GIGYF1: variants seen among roughly 807,000 people sequenced by gnomAD.
GIGYF1 encodes the protein GRB10 interacting GYF protein 1, also known as GRB10-interacting GYF protein 1.
A neutral mutation model predicts 147.1 loss-of-function variants in GIGYF1; 84 were observed. That is an observed-to-expected ratio of 0.57 (90% CI 0.48 to 0.68). The LOEUF (loss-of-function observed/expected upper bound fraction) is 0.68. Among genes scored for constraint, GIGYF1 ranks in the 30% least tolerant of loss-of-function variants. GIGYF1 has a pLI of 0.00. For synonymous variants in GIGYF1, 752 were observed against 589.5 expected (o/e 1.28, Z -3.99); for missense variants, 1,485 against 1,393.7 (o/e 1.07, Z -1.04).
intron 1 of GIGYF1, among the ~76,000 whole-genome samples, chr7:100,689,757 AGTG>A (rs1805678001): frequency 6.6e-6 from 1 of 152,296 alleles, no homozygotes; most frequent in Middle Eastern, 3.4e-3. Context: ...TGGATGCTCC[AGTG>A]GTGGTGTGTT....
At chr7:100,689,843 G>A (rs1238978025) in intron 1 of GIGYF1, among the ~76,000 whole-genome samples, 1 of 152,230 alleles carries the variant, frequency 6.6e-6, no homozygotes, top group East Asian at 1.9e-4. Context: ...GACTGGATGA[G>A]CCTTGAGGAC....
intron 10 of GIGYF1, 108 bp from the exon 11 acceptor site, chr7:100,686,541 C>T: frequency 6.6e-7 from 1 of 1,520,488 alleles, no homozygotes; most frequent in Admixed American, 2.0e-5. Context: ...CCGGCCACTC[C>T]CACACCAGCC....
Position 100,680,265 on chromosome 7 carries a change from A to G in GIGYF1, c.*1454T>C, listed in dbSNP as rs1435220660. 6.6e-6 allele frequency: 1 copy of G among 152,058 alleles called. No homozygotes were observed. Among genetic ancestry groups the G allele is most frequent in the African/African-American group, 2.4e-5 (1 of 41,282 alleles). The allele number at this position is 152,058 out of a possible 1,614,324, so 9.4% of individuals were successfully genotyped here. On this transcript the variant is annotated 3_prime_UTR_variant, in exon 27 of 27. Transcript: ENST00000678049. Reference sequence around the variant, plus strand: ...GAAACGGGCCACTCCCCATGTCCCCAGGGCAGGAGGGAGAAATACATTCAT... The same window carrying G: ...GAAACGGGCCACTCCCCATGTCCCCGGGGCAGGAGGGAGAAATACATTCAT...
In GIGYF1 at chr7:100,688,225, GTC is replaced by G; in HGVS notation, c.12_13del (p.Glu4AspfsTer7). The G allele has an allele frequency of 6.3e-7, 1 of 1,599,546 alleles. No individual in the cohort carries two copies. Among genetic ancestry groups the G allele is most frequent in the Non-Finnish European group, 8.5e-7 (1 of 1,171,540 alleles). ...TCACCACTCAGGCCCAAAGTTGAGT[GTC>G]TCTGCTGCCATCGTGGGGCTGGGCG... On this transcript the variant is annotated frameshift_variant, in exon 4 of 27. Transcript: ENST00000678049. LOFTEE classifies it high-confidence loss of function.
intron 1 of GIGYF1, among the ~76,000 whole-genome samples, chr7:100,692,175 G>A (rs1291647683): frequency 6.6e-6 from 1 of 152,236 alleles, no homozygotes; most frequent in Non-Finnish European, 1.5e-5. Context: ...GTGGTAGGGT[G>A]AGGACGCTGA....
rs752731026 is a variant in GIGYF1 at position 100,683,386 on chromosome 7, C to A, written c.2111G>T (p.Arg704Leu). 1 of 1,613,622 alleles carries A rather than the reference C, an allele frequency of 6.2e-7. No individual in the cohort carries two copies. Among genetic ancestry groups the A allele is most frequent in the South Asian group, 1.1e-5 (1 of 91,088 alleles). ...RAKREEEERKRREEKRRQQQQ... is the reference protein window; with the variant it reads ...RAKREEEERKLREEKRRQQQQ... ...CTGCTGGCGGCGCTTCTCCTCTCGACGCTTGCGTTCCTCTTCCTCCCGCTT... is the reference window on the plus strand; with the variant it reads ...CTGCTGGCGGCGCTTCTCCTCTCGAAGCTTGCGTTCCTCTTCCTCCCGCTT... The change falls in exon 21 of 27, where the codon CGT becomes CTT. Residue 704 changes from arginine to leucine, a missense_variant. Arg to Leu is a moderately radical substitution (Grantham distance 102). Transcript: ENST00000678049.
rs918733758 is a variant in GIGYF1, at chr7:100,683,736, G to T, written c.1969+82C>A. The T allele has an allele frequency of 3.9e-6, 6 of 1,546,828 alleles. No homozygotes were observed. The African/African-American group carries it at 8.2e-5, about 21-fold the overall frequency. On this transcript the variant is annotated intron_variant, in intron 19 of 26. Transcript: ENST00000678049. ...TCCCCAGCCAGAATGGCAGCTAGGG[G>T]CGTGTGGGGGTGGGGAGCAGACCCC...
chr7:100,682,691 GCCC>G lies in GIGYF1; in HGVS notation c.2496_2498del (p.Gly834del). 1 of 1,598,744 alleles carries G rather than the reference GCCC, an allele frequency of 6.3e-7. No homozygotes were observed. The highest frequency in any genetic ancestry group is 8.5e-7 in the Non-Finnish European group (1 of 1,173,306). On this transcript the variant is annotated inframe_deletion, in exon 23 of 27. Coordinates refer to ENST00000678049, the MANE Select transcript of GIGYF1 (RefSeq NM_001375765.1). The stretch of plus-strand genomic sequence containing the variant: ...CCCAGAGCCCCAGGCCGCTGCTGCC[GCCC>G]CCACTCTTGTCTGGCCCGCCCCACA...
At position 100,687,553 on chromosome 7, in the gene GIGYF1, G is replaced by A. The variant is rs754479403; in HGVS notation, c.325C>T (p.Pro109Ser). The A allele has an allele frequency of 3.7e-6, 6 of 1,612,622 alleles. No individual in the cohort carries two copies. The highest frequency in any genetic ancestry group is 3.3e-5 in the Admixed American group (2 of 59,966). ...CCTCGGGAGGTGCCAGCCAGGGGGG[G>A]GCCAGCCCCTTTCCCCATCAGCCTC... ...VLRLMGKGAG[P>S]PLAGTSRGRG... The change falls in exon 7 of 27, where the codon CCC (proline) becomes TCC (serine). Residue 109 changes from proline to serine, a missense_variant. Pro to Ser is a moderately conservative substitution (Grantham distance 74). Transcript: ENST00000678049.
intron 1 of GIGYF1, among the ~76,000 whole-genome samples, chr7:100,690,359 C>T (rs977201820): frequency 6.6e-6 from 1 of 152,172 alleles, no homozygotes; most frequent in Admixed American, 6.5e-5. Context: ...AAAGGGACCA[C>T]CTGGCCAGCA....
chr7:100,681,517 A>T lies in GIGYF1; in HGVS notation c.*202T>A. The T allele has an allele frequency of 2.4e-6, 1 of 422,116 alleles. No homozygotes were observed. The highest frequency in any genetic ancestry group is 4.2e-6 in the Non-Finnish European group (1 of 240,908). The allele number at this position is 422,116 out of a possible 1,614,324, so 26.1% of individuals were successfully genotyped here. A position where few individuals can be genotyped will look rare whatever the true frequency, so the allele number is the denominator to read the frequency against. On this transcript the variant is annotated 3_prime_UTR_variant, in exon 27 of 27. Transcript: ENST00000678049. ...GTCGTTTAAAATTAAAAAAAAAAAT[A>T]AAAAGAAAAACCCCCTCCCCCAGTC...
Position 100,687,321 on chromosome 7 carries a change from C to G in GIGYF1, c.459G>C (p.Gln153His), listed in dbSNP as rs375287310. The change falls in exon 8 of 27, where the codon CAG becomes CAC. Residue 153 changes from glutamine to histidine, a missense_variant. Transcript: ENST00000678049. The stretch of plus-strand genomic sequence containing the variant: ...ACCTGTCATCCCAGCTCTGGCTGCG[C>G]TGGATTTCCCGGGGGCTTCGTCCAA... ...GAFGRSPREI[Q>H]RSQSWDDRGE... 5.6e-6 allele frequency: 9 copies of G among 1,613,154 alleles called. No individual in the cohort carries two copies. The highest frequency in any genetic ancestry group is 7.6e-6 in the Non-Finnish European group (9 of 1,179,954).
rs1805326806 is a variant in GIGYF1 at position 100,686,264 on chromosome 7, C to T, written c.864G>A (p.Lys288=). The part of the protein sequence containing the change: ...CRAPEGFEED[K]DGLPEWCLDD... ...CCAGGCACCACTCTGGGAGCCCATC[C>T]TTGTCCTCCTCAAAGCCTTCAGGCG... Residue 288 remains lysine, a synonymous_variant, in exon 11 of 27, where the codon AAG becomes AAA. Coordinates refer to ENST00000678049, the MANE Select transcript of GIGYF1 (RefSeq NM_001375765.1). 4 of 1,613,994 alleles carry T rather than the reference C, an allele frequency of 2.5e-6. No homozygotes were observed. Among genetic ancestry groups the T allele is most frequent in the Middle Eastern group, 1.6e-4 (1 of 6,082 alleles).
At position 100,687,420 on chromosome 7, in the gene GIGYF1, C is replaced by T. The variant is rs1373472408; in HGVS notation, c.374-14G>A. On this transcript the variant is annotated splice_polypyrimidine_tract_variant and intron_variant, in intron 7 of 26. Transcript: ENST00000678049. ...CACGGCCGCGGCCTAGAGAAGAGGC[C>T]AGACGCACAATGAAACCTGCTGCAC... The T allele has an allele frequency of 7.4e-6, 12 of 1,612,704 alleles. No individual in the cohort carries two copies. Among genetic ancestry groups the T allele is most frequent in the Middle Eastern group, 3.3e-4 (2 of 6,082 alleles).
Position 100,686,091 on chromosome 7 carries a change from C to T in GIGYF1, c.949-12G>A. On this transcript the variant is annotated splice_polypyrimidine_tract_variant and intron_variant, in intron 11 of 26. Coordinates refer to ENST00000678049, the MANE Select transcript of GIGYF1 (RefSeq NM_001375765.1). ...TCCTTGGGGCCCTTCTGCATGGGGCCGGGGTGGGGAGCAGAGAACAGCTGG... is the reference window on the plus strand; with the variant it reads ...TCCTTGGGGCCCTTCTGCATGGGGCTGGGGTGGGGAGCAGAGAACAGCTGG... 3 of 919,434 alleles carry T rather than the reference C, an allele frequency of 3.3e-6. No individual in the cohort carries two copies. The highest frequency in any genetic ancestry group is 3.3e-6 in the Non-Finnish European group (2 of 607,750). 57.0% of individuals were successfully genotyped at this position (919,434 alleles called of 1,614,324 possible). A position where few individuals can be genotyped will look rare whatever the true frequency, so the allele number is the denominator to read the frequency against.
Position 100,686,770 on chromosome 7 carries a change from G to T in GIGYF1, c.573C>A (p.Ala191=), listed in dbSNP as rs1412550662. 2 of 1,614,044 alleles carry T rather than the reference G, an allele frequency of 1.2e-6. No individual in the cohort carries two copies. The highest frequency in any genetic ancestry group is 4.5e-5 in the East Asian group (2 of 44,872). The change falls in exon 10 of 27, where the codon GCC becomes GCA. Residue 191 remains alanine (A), a synonymous_variant. Coordinates refer to ENST00000678049, the MANE Select transcript of GIGYF1 (RefSeq NM_001375765.1). ...EGGAGPRKEH[A]RSDSENWRSL... ...AGCGCCAGTTCTCGCTGTCTGAGCG[G>T]GCGTGCTCCTTCCTTGGGCCAGCCC...
At position 100,686,265 on chromosome 7, in the gene GIGYF1, T is replaced by C. The variant is rs537573407; in HGVS notation, c.863A>G (p.Lys288Arg). ...CAGGCACCACTCTGGGAGCCCATCC[T>C]TGTCCTCCTCAAAGCCTTCAGGCGC... ...CRAPEGFEEDKDGLPEWCLDD... is the reference protein window; with the variant it reads ...CRAPEGFEEDRDGLPEWCLDD... Residue 288 changes from lysine to arginine, a missense_variant, in exon 11 of 27, where the codon AAG becomes AGG. Lys to Arg is a conservative substitution (Grantham distance 26, BLOSUM62 2). Transcript: ENST00000678049. 6.2e-7 allele frequency: 1 copy of C among 1,614,084 alleles called. No homozygotes were observed. Among genetic ancestry groups the C allele is most frequent in the East Asian group, 2.2e-5 (1 of 44,868 alleles).
intron 13 of GIGYF1, 54 bp downstream of exon 13, chr7:100,685,290 A>C: frequency 6.5e-7 from 1 of 1,542,696 alleles, no homozygotes; most frequent in Non-Finnish European, 8.7e-7. Flanking sequence ...AGTGGGGAGC[A>C]CTTTCTCCCA....
In GIGYF1 at chr7:100,681,537, C is replaced by G. The variant is rs1356067723; in HGVS notation, c.*182G>C. 7 of 439,852 alleles carry G rather than the reference C, an allele frequency of 1.6e-5. No homozygotes were observed. Among genetic ancestry groups the G allele is most frequent in the Non-Finnish European group, 2.8e-5 (7 of 252,854 alleles). The allele number at this position is 439,852 out of a possible 1,614,324, so 27.2% of individuals were successfully genotyped here. A position where few individuals can be genotyped will look rare whatever the true frequency, so the allele number is the denominator to read the frequency against. ...AAAATAAAAAGAAAAACCCCCTCCC[C>G]CAGTCTGTAAAGTGCCTCGTGGTGG... On this transcript the variant is annotated 3_prime_UTR_variant, in exon 27 of 27. Coordinates refer to ENST00000678049, the MANE Select transcript of GIGYF1 (RefSeq NM_001375765.1).
Sources: gnomAD v4.1 joint callset for allele counts (sites outside exome capture counted in the v4.1 genomes callset) on GRCh38, gnomAD v4.1.1 for gene constraint, MANE v1.5 for transcripts, NCBI Gene and HGNC (gene_info 2026-07-23, HGNC 2026-07-21) for gene names.